Variants in PLXNA4 observed in about 807,000 individuals in gnomAD.
PLXNA4 encodes the protein plexin-A4.
PLXNA4 carries 44 observed loss-of-function variants against 191.8 expected under a neutral mutation model. The ratio of observed to expected loss-of-function variants is 0.23; its 90% confidence interval spans 0.18 to 0.29. The LOEUF (loss-of-function observed/expected upper bound fraction) is 0.29, where lower values mean the gene tolerates loss of function less well. Ranked by LOEUF, PLXNA4 falls within the 10% of genes least tolerant of loss-of-function variation. PLXNA4 has a pLI of 1.00. For synonymous variants in PLXNA4, 1,082 were observed against 1,009.5 expected (o/e 1.07, Z -1.36); for missense variants, 1,800 against 2,488.8 (o/e 0.72, Z 5.89).
intron 1 of PLXNA4, among the ~76,000 whole-genome samples, chr7:132,560,623 C>T (rs896605599): frequency 2.6e-5 from 4 of 151,980 alleles, no homozygotes; most frequent in African/African-American, 7.3e-5. Context: ...TGGTCACTTC[C>T]GCCTGCAAAT....
At chr7:132,601,480 A>G (rs1158912439) in intron 2 of PLXNA4, among the ~76,000 whole-genome samples, 1 of 152,214 alleles carries the variant, frequency 6.6e-6, no homozygotes, top group Non-Finnish European at 1.5e-5. Context: ...GAAAGTATAA[A>G]GGGAAAAGAT....
intron 1 of PLXNA4, among the ~76,000 whole-genome samples, chr7:132,547,400 C>G (rs1190342920): frequency 1.3e-5 from 2 of 152,306 alleles, no homozygotes; most frequent in East Asian, 1.9e-4. Flanking sequence ...TAAACCCCCC[C>G]ACACCTACAT....
chr7:132,223,589 G>T lies in PLXNA4; in HGVS notation c.2035C>A (p.His679Asn). ...GTCTTGGGGTCATGGGTGCAGACAT[G>T]CCGGTATTTACACCAGTGGCAGCGG... ...PYRCHWCKYR[H>N]VCTHDPKTCS... The change falls in exon 9 of 32, where the codon CAT (histidine) becomes AAT (asparagine). Residue 679 changes from histidine to asparagine, a missense_variant. Physicochemically the swap from His to Asn is moderately conservative, Grantham distance 68 (BLOSUM62 1). Around this residue, in one of 6 missense-constraint regions of PLXNA4, gnomAD observed 1,397 missense variants for 1,880.4 expected, o/e 0.74. Coordinates refer to ENST00000321063, the MANE Select transcript of PLXNA4 (RefSeq NM_020911.2). 1.2e-6 allele frequency: 2 copies of T among 1,613,936 alleles called. No individual in the cohort carries two copies. Among genetic ancestry groups the T allele is most frequent in the Non-Finnish European group, 8.5e-7 (1 of 1,179,938 alleles).
chr7:132,210,987 C>T lies in PLXNA4; in HGVS notation c.2254G>A (p.Ala752Thr). The change falls in exon 10 of 32, where the codon GCC becomes ACC. Residue 752 changes from alanine (A) to threonine (T), a missense_variant. Physicochemically the swap from Ala to Thr is moderately conservative, Grantham distance 58. This residue lies in a region of PLXNA4 where 1,397 missense variants were observed against 1,880.4 expected (regional missense o/e 0.74). Transcript: ENST00000321063. Reference protein sequence around the residue: ...NIQGSEQRVPALRFNSSSVQC... With the variant: ...NIQGSEQRVPTLRFNSSSVQC... ...ACGCTGGAGCTGTTGAAGCGCAGGG[C>T]GGGCACTCGCTGCTCGCTGCCCTGA... 2 of 1,613,530 alleles carry T rather than the reference C, an allele frequency of 1.2e-6. No homozygotes were observed. Among genetic ancestry groups the T allele is most frequent in the Non-Finnish European group, 8.5e-7 (1 of 1,179,994 alleles).
chr7:132,618,771 C>A (rs1803205023), intron 2 of PLXNA4, among the ~76,000 whole-genome samples: 1 of 152,106 alleles, frequency 6.6e-6, no homozygotes, highest in African/African-American at 2.4e-5. Flanking sequence ...TACAAATTAA[C>A]AATTTTAATT....
chr7:132,135,295 A>G (rs188553762), intron 30 of PLXNA4, among the ~76,000 whole-genome samples: 1 of 152,286 alleles, frequency 6.6e-6, no homozygotes, highest in Non-Finnish European at 1.5e-5. Flanking sequence ...CTTCCACCAG[A>G]CAGGTATACT....
Position 132,178,118 on chromosome 7 carries a change from T to G in PLXNA4, c.3874+1569A>C, listed in dbSNP as rs74593125. Among the ~76,000 whole-genome samples the G allele has an allele frequency of 7.0e-3, 1,073 of 152,316 alleles. 10 individuals carry two copies. The highest frequency in any genetic ancestry group is 0.025 in the African/African-American group (1,021 of 41,564). On this transcript the variant is annotated intron_variant, in intron 20 of 31. Coordinates refer to ENST00000321063, the MANE Select transcript of PLXNA4 (RefSeq NM_020911.2). Reference sequence around the variant, plus strand: ...ATGGTGGTGTTTGTAATTTTTTTAATACAAGCTTTGAAACACCCTTCCTTC... The same window carrying G: ...ATGGTGGTGTTTGTAATTTTTTTAAGACAAGCTTTGAAACACCCTTCCTTC...
In PLXNA4 at chr7:132,147,991, A is replaced by T. The variant is rs774931789; in HGVS notation, c.4773T>A (p.Asp1591Glu). Reference protein sequence around the residue: ...LNTLAHYQVPDGSVVALVSKQ... With the variant: ...LNTLAHYQVPEGSVVALVSKQ... ...TGGACACTAATGCCACCACGGAACC[A>T]TCTGGCACCTACAGGGAAAAAGCTT... The change falls in exon 27 of 32, where the codon GAT becomes GAA. Residue 1591 changes from aspartate to glutamate, a missense_variant. Coordinates refer to ENST00000321063, the MANE Select transcript of PLXNA4 (RefSeq NM_020911.2). 2 of 1,614,122 alleles carry T rather than the reference A, an allele frequency of 1.2e-6. No individual in the cohort carries two copies. Among genetic ancestry groups the T allele is most frequent in the South Asian group, 1.1e-5 (1 of 91,076 alleles).
chr7:132,360,042 G>A (rs886702410), intron 3 of PLXNA4, among the ~76,000 whole-genome samples: 10 of 152,132 alleles, frequency 6.6e-5, no homozygotes, highest in African/African-American at 1.2e-4. Flanking sequence ...GGAGTTCAGC[G>A]GCTGAAGGGT....
At chr7:132,524,383 G>A (rs1029438883) in intron 1 of PLXNA4, among the ~76,000 whole-genome samples, 1 of 152,130 alleles carries the variant, frequency 6.6e-6, no homozygotes, top group Non-Finnish European at 1.5e-5. Context: ...CCCAACCAAA[G>A]TTAATAACAT....
intron 2 of PLXNA4, among the ~76,000 whole-genome samples, chr7:132,588,552 T>C (rs1477320008): frequency 2.6e-5 from 4 of 150,990 alleles, no homozygotes; most frequent in Non-Finnish European, 5.9e-5. Flanking sequence ...CTTTCAGGCA[T>C]GATCATAATT....
At chr7:132,555,456 G>A (rs1800762970) in intron 1 of PLXNA4, among the ~76,000 whole-genome samples, 1 of 152,174 alleles carries the variant, frequency 6.6e-6, no homozygotes, top group South Asian at 2.1e-4. Flanking sequence ...ACACAGGGTG[G>A]CAAGAAGCAG....
chr7:132,643,071 T>C (rs1180236284), intron 2 of PLXNA4, among the ~76,000 whole-genome samples: 3 of 152,144 alleles, frequency 2.0e-5, no homozygotes, highest in Admixed American at 1.3e-4. Context: ...TGGTCTGCCA[T>C]TGAATCTTTT....
chr7:132,203,235 T>A, intron 11 of PLXNA4, 88 bp downstream of exon 11: 1 of 1,231,960 alleles, frequency 8.1e-7, no homozygotes, highest in Non-Finnish European at 1.2e-6. Context: ...GGGGGCAGAA[T>A]GACTCCCGCG....
rs180762935 is a variant in PLXNA4 at position 132,425,368 on chromosome 7, C to T, written c.1371+63924G>A. ...TTTAAAGCTAATTGTGTGTTTCTGG[C>T]ACTGACAGGGGAATTGGTGAAAGTA... On this transcript the variant is annotated intron_variant, in intron 3 of 31. Transcript: ENST00000321063. Among the ~76,000 whole-genome samples the T allele has an allele frequency of 2.6e-5, 4 of 152,234 alleles. No homozygotes were observed. The East Asian group carries it at 7.7e-4, about 29-fold the overall frequency.
intron 1 of PLXNA4, among the ~76,000 whole-genome samples, chr7:132,646,360 C>T (rs1206788461): frequency 1.3e-5 from 2 of 152,134 alleles, no homozygotes; most frequent in Non-Finnish European, 2.9e-5. Flanking sequence ...TTTTGTATTC[C>T]CTCCCTGTTA....
At chr7:132,168,003 G>A (rs1283018948) in intron 22 of PLXNA4, among the ~76,000 whole-genome samples, 1 of 152,230 alleles carries the variant, frequency 6.6e-6, no homozygotes, top group African/African-American at 2.4e-5. Flanking sequence ...TCCATGAGAG[G>A]AGATTGCAGT....
chr7:132,323,903 A>G (rs1802267890), intron 3 of PLXNA4, among the ~76,000 whole-genome samples: 1 of 152,116 alleles, frequency 6.6e-6, no homozygotes, highest in Admixed American at 6.6e-5. Context: ...GGTTTCTCCA[A>G]GCAGAAATGA....
intron 1 of PLXNA4, among the ~76,000 whole-genome samples, chr7:132,559,153 CCT>C (rs1800923034): frequency 6.6e-6 from 1 of 152,122 alleles, no homozygotes; most frequent in Admixed American, 6.5e-5. Flanking sequence ...TGCTGAATTC[CCT>C]GAGACCAAAA....
Sources: allele counts gnomAD v4.1 joint callset (sites outside exome capture counted in the v4.1 genomes callset), GRCh38; gene constraint gnomAD v4.1.1; regional missense constraint gnomAD v4.1.1; transcripts MANE v1.5; gene names NCBI Gene and HGNC (gene_info 2026-07-23, HGNC 2026-07-21).